The following ARL15 variants were observed in gnomAD, a reference collection of about 807,000 sequenced individuals.
The protein encoded by ARL15 is ADP-ribosylation factor-like protein 15.
In ARL15, 19 loss-of-function variants were observed where a neutral mutation model predicts 25.2. The ratio of observed to expected loss-of-function variants is 0.75; its 90% CI spans 0.53 to 1.10. The LOEUF is 1.10. Among genes scored for constraint, ARL15 ranks in the 50% least tolerant of loss-of-function variants. The probability of loss-of-function intolerance (pLI) is 0.00; values close to 1 mark genes in which losing one functional copy is unlikely to be tolerated. For synonymous variants in ARL15, 94 were observed against 86.8 expected (o/e 1.08, Z -0.46); for missense variants, 220 against 246.0 (o/e 0.89, Z 0.71).
At chr5:54,126,471 C>CT (rs1268059716) in intron 3 of ARL15, among the ~76,000 whole-genome samples, 1 of 152,224 alleles carries the variant, frequency 6.6e-6, no homozygotes, top group African/African-American at 2.4e-5. Flanking sequence ...AACTGCCCAA[C>CT]TTACCTCTCC....
intron 4 of ARL15, among the ~76,000 whole-genome samples, chr5:53,946,612 A>G (rs574407304): frequency 6.6e-6 from 1 of 152,318 alleles, no homozygotes; most frequent in South Asian, 2.1e-4. Flanking sequence ...CATATTCTGT[A>G]TAAGCGGTGC....
At chr5:54,253,708 A>G (rs1232510677) in intron 1 of ARL15, among the ~76,000 whole-genome samples, 1 of 151,842 alleles carries the variant, frequency 6.6e-6, no homozygotes, top group African/African-American at 2.4e-5. Flanking sequence ...CTCCCACCTC[A>G]GCCTCCCAAG....
chr5:53,893,072 G>A (rs1025749216), intron 4 of ARL15, among the ~76,000 whole-genome samples: 17 of 152,076 alleles, frequency 1.1e-4, no homozygotes, highest in African/African-American at 3.9e-4. Flanking sequence ...AATCACTAGA[G>A]TAGATAGACC....
intron 4 of ARL15, among the ~76,000 whole-genome samples, chr5:53,912,886 T>C (rs1217223454): frequency 1.3e-5 from 2 of 152,238 alleles, no homozygotes; most frequent in East Asian, 3.8e-4. Flanking sequence ...ACTTACATTC[T>C]AATGAAGAAA....
At chr5:54,056,205 A>G (rs1750865586) in intron 4 of ARL15, among the ~76,000 whole-genome samples, 2 of 152,152 alleles carry the variant, frequency 1.3e-5, no homozygotes, top group Non-Finnish European at 2.9e-5. Context: ...TGGGGATAAT[A>G]TCACACTCAT....
At chr5:54,292,799 C>A (rs1286619347) in intron 1 of ARL15, among the ~76,000 whole-genome samples, 2 of 152,000 alleles carry the variant, frequency 1.3e-5, no homozygotes, top group Admixed American at 1.3e-4. Context: ...TATTTCCAGG[C>A]CTGTTTCTCA....
intron 1 of ARL15, among the ~76,000 whole-genome samples, chr5:54,283,934 G>A (rs1561295294): frequency 6.6e-6 from 1 of 152,154 alleles, no homozygotes; most frequent in East Asian, 1.9e-4. Flanking sequence ...TTTCCAGGCT[G>A]TAACGGAGAC....
intron 4 of ARL15, among the ~76,000 whole-genome samples, chr5:53,970,508 G>C (rs1361650958): frequency 1.3e-5 from 2 of 152,156 alleles, no homozygotes; most frequent in Admixed American, 6.5e-5. Context: ...GAGGGAGAGA[G>C]AGAGAGCGAG....
At chr5:54,031,328 C>T (rs1010832907) in intron 4 of ARL15, among the ~76,000 whole-genome samples, 17 of 152,148 alleles carry the variant, frequency 1.1e-4, no homozygotes, top group African/African-American at 4.1e-4. Context: ...GAACTACCAG[C>T]TCAAATGTCA....
chr5:54,247,449 C>T (rs570399742), intron 1 of ARL15, among the ~76,000 whole-genome samples: 5 of 151,994 alleles, frequency 3.3e-5, no homozygotes, highest in Admixed American at 3.3e-4. Context: ...TCCTGCAATT[C>T]ACACCCTATG....
rs1754986460 is a variant in ARL15 at position 54,179,574 on chromosome 5, T to C, written c.49-7646A>G. Among the ~76,000 whole-genome samples the C allele has an allele frequency of 3.3e-5, 5 of 152,054 alleles. No homozygotes were observed. The South Asian group carries it at 1.0e-3, about 32-fold the overall frequency. ...AGCATCCTTAAGATTCTTGCCCTGC[T>C]GAATTAGAGAGCAGGGGAGGAGGAG... On this transcript the variant is annotated intron_variant, in intron 1 of 4. Coordinates refer to ENST00000504924, the MANE Select transcript of ARL15 (RefSeq NM_019087.3).
intron 4 of ARL15, among the ~76,000 whole-genome samples, chr5:54,021,705 ACTT>A (rs1322226084): frequency 1.3e-5 from 2 of 152,164 alleles, no homozygotes; most frequent in East Asian, 1.9e-4. Flanking sequence ...GTGGCTGAAA[ACTT>A]CTTCTAAGAA....
intron 4 of ARL15, among the ~76,000 whole-genome samples, chr5:53,982,693 A>G (rs1000922054): frequency 3.9e-5 from 6 of 152,156 alleles, no homozygotes; most frequent in Non-Finnish European, 7.3e-5. Flanking sequence ...TCCTTTGGGT[A>G]TATATCCAGT....
At chr5:53,987,698 C>A (rs763322185) in intron 4 of ARL15, among the ~76,000 whole-genome samples, 4 of 152,146 alleles carry the variant, frequency 2.6e-5, no homozygotes, top group Non-Finnish European at 5.9e-5. Context: ...CACCTGTAAT[C>A]CCAGCAGTTT....
chr5:54,124,501 T>C (rs918178248), intron 3 of ARL15, among the ~76,000 whole-genome samples: 1 of 152,234 alleles, frequency 6.6e-6, no homozygotes, highest in Non-Finnish European at 1.5e-5. Context: ...CTCCACTCTT[T>C]GGTTTGTATT....
chr5:54,081,025 A>G (rs532035632), intron 4 of ARL15, among the ~76,000 whole-genome samples: 1 of 152,224 alleles, frequency 6.6e-6, no homozygotes, highest in Admixed American at 6.5e-5. Context: ...CTATCAAATG[A>G]GGATCTTACC....
intron 1 of ARL15, among the ~76,000 whole-genome samples, chr5:54,235,944 A>G (rs1254583963): frequency 2.0e-5 from 3 of 152,232 alleles, no homozygotes; most frequent in Non-Finnish European, 4.4e-5. Flanking sequence ...TAATTCAAAG[A>G]ACTGTATGAA....
rs115506997 is a variant in ARL15 at position 54,089,008 on chromosome 5, C to T, written c.462+24194G>A. Among the ~76,000 whole-genome samples the T allele has an allele frequency of 4.2e-3, 640 of 152,152 alleles. 5 individuals carry two copies. The highest frequency in any genetic ancestry group is 0.014 in the African/African-American group (595 of 41,500). On this transcript the variant is annotated intron_variant, in intron 4 of 4. Coordinates refer to ENST00000504924, the MANE Select transcript of ARL15 (RefSeq NM_019087.3). ...GAACAACAGTCATATGGAGTGTTGT[C>T]GCATATGAATGATTACTTGAAATCA...
chr5:54,030,209 G>A (rs571541123), intron 4 of ARL15, among the ~76,000 whole-genome samples: 1 of 152,132 alleles, frequency 6.6e-6, no homozygotes, highest in East Asian at 1.9e-4. Flanking sequence ...CAGGATATAA[G>A]TGGAAAAGTA....
Sources: gnomAD v4.1 joint callset for allele counts (sites outside exome capture counted in the v4.1 genomes callset) on GRCh38, gnomAD v4.1.1 for gene constraint, MANE v1.5 for transcripts, NCBI Gene and HGNC (gene_info 2026-07-23, HGNC 2026-07-21) for gene names.